The following PIEZO2 variants were observed in gnomAD, a reference collection of about 807,000 sequenced individuals.
PIEZO2 encodes piezo-type mechanosensitive ion channel component 2.
A neutral mutation model predicts 337.3 loss-of-function variants in PIEZO2; 172 were observed. The ratio of observed to expected loss-of-function variants is 0.51; its 90% CI spans 0.45 to 0.58. The LOEUF is 0.58. PIEZO2 is among the 20% of genes least tolerant of loss of function. The probability of loss-of-function intolerance (pLI) is 0.00; values close to 1 mark genes in which losing one functional copy is unlikely to be tolerated. For missense variants in PIEZO2, 3,028 were observed against 3,391.3 expected (o/e 0.89, Z 2.66); for synonymous variants, 1,251 against 1,228.5 (o/e 1.02, Z -0.38).
chr18:11,143,673 ACT>A lies in PIEZO2; in HGVS notation c.64+4850_64+4851del, dbSNP rs79619707. ...CTCTCTCTCTCTCTCTCTCTCTCTC[ACT>A]CTCTCTCTCTCACATAATTTGGCTC... On this transcript the variant is annotated intron_variant, in intron 1 of 55. Transcript: ENST00000674853. The surrounding 1 kb of genome is among the most constrained non-coding windows in gnomAD (Gnocchi z 4.9). Among the ~76,000 whole-genome samples the A allele has an allele frequency of 0.22, 21,831 of 98,716 alleles. 2,269 individuals carry two copies. The highest frequency in any genetic ancestry group is 0.35 in the East Asian group (1,169 of 3,328). 64.8% of individuals were successfully genotyped at this position (98,716 alleles called of 152,430 possible).
intron 2 of PIEZO2, among the ~76,000 whole-genome samples, chr18:11,026,067 A>G (rs888148907): frequency 1.3e-4 from 20 of 152,286 alleles, no homozygotes; most frequent in Non-Finnish European, 2.8e-4. Flanking sequence ...CTGGTAGTTC[A>G]GATCAGGAGC....
Position 11,033,941 on chromosome 18 carries a change from T to TA in PIEZO2, c.160+32185dup, listed in dbSNP as rs2036827074. ...TTATAACTTTAATACCTGAAAAACTTATACGAGCTAATGTTGTGCTGATTT... is the reference window on the plus strand; with the variant it reads ...TTATAACTTTAATACCTGAAAAACTTAATACGAGCTAATGTTGTGCTGATTT... On this transcript the variant is annotated intron_variant, in intron 2 of 55. Transcript: ENST00000674853. The surrounding 1 kb of genome is among the most constrained non-coding windows in gnomAD (Gnocchi z 4.2). Among the ~76,000 whole-genome samples, 1 of 152,040 alleles carries TA rather than the reference T, an allele frequency of 6.6e-6. No homozygotes were observed. Among genetic ancestry groups the TA allele is most frequent in the African/African-American group, 2.4e-5 (1 of 41,392 alleles).
rs1026004805 is a variant in PIEZO2, at chr18:11,018,272, G to A, written c.161-38612C>T. Among the ~76,000 whole-genome samples, 6 of 150,178 alleles carry A rather than the reference G, an allele frequency of 4.0e-5. No individual in the cohort carries two copies. The South Asian group carries it at 1.3e-3, about 32-fold the overall frequency. Reference sequence around the variant, plus strand: ...TCTCTTCTTAAGACACAGGCATATTGAATTAATGGCCCACACTACTCCTTT... The same window carrying A: ...TCTCTTCTTAAGACACAGGCATATTAAATTAATGGCCCACACTACTCCTTT... On this transcript the variant is annotated intron_variant, in intron 2 of 55. Coordinates refer to ENST00000674853, the MANE Select transcript of PIEZO2 (RefSeq NM_001378183.1).
At chr18:10,905,315 G>A (rs755955355) in intron 4 of PIEZO2, among the ~76,000 whole-genome samples, 4 of 152,140 alleles carry the variant, frequency 2.6e-5, no homozygotes, top group Admixed American at 6.5e-5. Context: ...AGGCGTGGTG[G>A]TTCACGCCTG....
Position 11,109,864 on chromosome 18 carries a change from G to GA in PIEZO2, c.64+38660dup, listed in dbSNP as rs2039679255. 6.6e-6 allele frequency among the ~76,000 whole-genome samples: 1 copy of GA among 152,164 alleles called. No homozygotes were observed. Among genetic ancestry groups the GA allele is most frequent in the Non-Finnish European group, 1.5e-5 (1 of 68,030 alleles). On this transcript the variant is annotated intron_variant, in intron 1 of 55. Coordinates refer to ENST00000674853, the MANE Select transcript of PIEZO2 (RefSeq NM_001378183.1). This position sits in a 1 kb window ranked among gnomAD's most constrained non-coding sequence, Gnocchi z 5.1. ...CTTTCTTTTCTTGCTTTCCTTTACT[G>GA]AAATTTCTAGTTAGATTTGACTTTA...
At chr18:11,058,346 A>G (rs527750124) in intron 2 of PIEZO2, among the ~76,000 whole-genome samples, 14 of 152,356 alleles carry the variant, frequency 9.2e-5, no homozygotes, top group Non-Finnish European at 1.8e-4. Flanking sequence ...TGGAAATCTG[A>G]AAACTCTAAA....
Position 10,699,133 on chromosome 18 carries a change from C to T in PIEZO2, c.6486G>A (p.Met2162Ile), listed in dbSNP as rs1275152286. 4.0e-5 allele frequency: 62 copies of T among 1,537,230 alleles called. No individual in the cohort carries two copies. Among genetic ancestry groups the T allele is most frequent in the Non-Finnish European group, 5.3e-5 (61 of 1,146,908 alleles). ...WDEDDMTESG[M>I]AREESDDELS... ...GCTCATCATCTGATTCCTCCCTGGC[C>T]ATGCCACTTTCAGTCATGTCATCTT... Residue 2162 changes from methionine (M) to isoleucine (I), a missense_variant, in exon 44 of 56, where the codon ATG becomes ATA. Coordinates refer to ENST00000674853, the MANE Select transcript of PIEZO2 (RefSeq NM_001378183.1).
intron 2 of PIEZO2, among the ~76,000 whole-genome samples, chr18:11,036,990 G>C (rs951151717): frequency 6.6e-6 from 1 of 152,082 alleles, no homozygotes; most frequent in African/African-American, 2.4e-5. Context: ...GTGTGTGACA[G>C]AGCGAGACTC....
Position 10,770,144 on chromosome 18 carries a change from T to C in PIEZO2, c.2946+4A>G. ...GCCTGATGATAGGACAAATGTTCAC[T>C]TGCCTCTTTCACAGAAACCCAGATA... is the stretch of plus-strand genomic sequence containing the variant. On this transcript the variant is annotated splice_donor_region_variant and intron_variant, in intron 21 of 55. Coordinates refer to ENST00000674853, the MANE Select transcript of PIEZO2 (RefSeq NM_001378183.1). 6.5e-7 allele frequency: 1 copy of C among 1,537,168 alleles called. No individual in the cohort carries two copies. The highest frequency in any genetic ancestry group is 8.7e-7 in the Non-Finnish European group (1 of 1,146,886).
At position 11,045,868 on chromosome 18, in the gene PIEZO2, C is replaced by T. The variant is rs542391109; in HGVS notation, c.160+20259G>A. Among the ~76,000 whole-genome samples, 6 of 152,272 alleles carry T rather than the reference C, an allele frequency of 3.9e-5. No individual in the cohort carries two copies. In the East Asian group the frequency reaches 7.7e-4, roughly 20 times the overall value. ...GTCCATTTCTGGCTGAGAGGGGCTACGTCTGGTTTTGCTTGCCGTTGTATG... is the reference window on the plus strand; with the variant it reads ...GTCCATTTCTGGCTGAGAGGGGCTATGTCTGGTTTTGCTTGCCGTTGTATG... On this transcript the variant is annotated intron_variant, in intron 2 of 55. Transcript: ENST00000674853.
intron 43 of PIEZO2, among the ~76,000 whole-genome samples, chr18:10,701,065 A>G (rs2035310074): frequency 1.3e-5 from 2 of 152,242 alleles, no homozygotes; most frequent in Non-Finnish European, 2.9e-5. Context: ...GCATGTATGT[A>G]TATGTACGTG....
chr18:10,956,649 T>C (rs1450369343), intron 3 of PIEZO2, among the ~76,000 whole-genome samples: 2 of 152,214 alleles, frequency 1.3e-5, no homozygotes, highest in Non-Finnish European at 2.9e-5. Context: ...AAAGTGATTG[T>C]AATCAAAACA....
rs1465363511 is a variant in PIEZO2 at position 10,759,103 on chromosome 18, G to A, written c.3757+379C>T. ...CATCTCCCAGCATCCACTGTCCCAT[G>A]TTCAGGGTTTATTTATCTGCACTGG... On this transcript the variant is annotated intron_variant, in intron 26 of 55. Coordinates refer to ENST00000674853, the MANE Select transcript of PIEZO2 (RefSeq NM_001378183.1). The surrounding 1 kb of genome is among the most constrained non-coding windows in gnomAD (Gnocchi z 5.5). Among the ~76,000 whole-genome samples the A allele has an allele frequency of 1.3e-5, 2 of 152,058 alleles. No individual in the cohort carries two copies. Among genetic ancestry groups the A allele is most frequent in the Non-Finnish European group, 2.9e-5 (2 of 68,006 alleles).
At chr18:10,792,491 G>T (rs1357493900) in intron 13 of PIEZO2, among the ~76,000 whole-genome samples, 1 of 152,076 alleles carries the variant, frequency 6.6e-6, no homozygotes, top group African/African-American at 2.4e-5. Flanking sequence ...CTATAGATTT[G>T]CCTAATCTGG....
intron 3 of PIEZO2, among the ~76,000 whole-genome samples, chr18:10,960,061 T>C (rs1202868949): frequency 2.0e-5 from 3 of 152,184 alleles, no homozygotes; most frequent in Non-Finnish European, 4.4e-5. Context: ...TTGAAGTAAA[T>C]CGTGCTTTTA....
chr18:10,675,653 T>TA (rs1349989752), intron 53 of PIEZO2, among the ~76,000 whole-genome samples: 8 of 152,294 alleles, frequency 5.3e-5, no homozygotes, highest in Non-Finnish European at 1.0e-4. Flanking sequence ...CAAATTTTAA[T>TA]TTTTAGATTT....
intron 35 of PIEZO2, among the ~76,000 whole-genome samples, chr18:10,734,038 C>T (rs1330551052): frequency 2.6e-5 from 4 of 152,176 alleles, no homozygotes; most frequent in African/African-American, 9.7e-5. Flanking sequence ...AGATCCTTAA[C>T]TGAAATTGGT....
At chr18:10,769,044 A>G (rs534002260) in intron 21 of PIEZO2, among the ~76,000 whole-genome samples, 1 of 152,348 alleles carries the variant, frequency 6.6e-6, no homozygotes, top group South Asian at 2.1e-4. Context: ...ATTTGTTCAG[A>G]AATGGTCTCT....
Position 10,750,176 on chromosome 18 carries a change from A to G in PIEZO2, c.4179T>C (p.Cys1393=). The G allele has an allele frequency of 6.5e-7, 1 of 1,536,798 alleles. No individual in the cohort carries two copies. Among genetic ancestry groups the G allele is most frequent in the Non-Finnish European group, 8.7e-7 (1 of 1,146,514 alleles). The change falls in exon 29 of 56, where the codon TGT becomes TGC. Residue 1393 remains cysteine, a synonymous_variant. Transcript: ENST00000674853. This position sits in a 1 kb window ranked among gnomAD's most constrained non-coding sequence, Gnocchi z 4.1. ...TMKNILSIGA[C]GYIGTLVHNS... ...TGTGCACCAATGTTCCAATGTATCC[A>G]CATGCTCCTATCTGAAAAACAAAAG...
Sources: gnomAD v4.1 joint callset for allele counts (sites outside exome capture counted in the v4.1 genomes callset) on GRCh38, gnomAD v4.1.1 for gene constraint, Gnocchi (gnomAD v3.1) non-coding constraint, MANE v1.5 for transcripts, NCBI Gene and HGNC (gene_info 2026-07-23, HGNC 2026-07-21) for gene names.